KCNQ5: variants seen among roughly 807,000 people sequenced by gnomAD.
KCNQ5 encodes potassium voltage-gated channel subfamily KQT member 5.
A neutral mutation model predicts 98.2 loss-of-function variants in KCNQ5; 30 were observed. The ratio of observed to expected loss-of-function variants is 0.31; its 90% CI spans 0.23 to 0.41. The LOEUF (loss-of-function observed/expected upper bound fraction) is 0.41. KCNQ5 is among the 10% of genes least tolerant of loss of function. The pLI is 1.00. For synonymous variants in KCNQ5, 458 were observed against 449.4 expected (o/e 1.02, Z -0.24); for missense variants, 835 against 1,182.5 (o/e 0.71, Z 4.31).
chr6:72,764,971 A>G (rs1772488827), intron 1 of KCNQ5, among the ~76,000 whole-genome samples: 1 of 152,038 alleles, frequency 6.6e-6, no homozygotes, highest in Non-Finnish European at 1.5e-5. Flanking sequence ...TTTATGGCTG[A>G]ATAATACTGT....
At chr6:72,658,769 G>A (rs1003947944) in intron 1 of KCNQ5, among the ~76,000 whole-genome samples, 16 of 151,122 alleles carry the variant, frequency 1.1e-4, no homozygotes, top group African/African-American at 3.9e-4. Context: ...TCGTAGAGAC[G>A]GGGTTTCACC....
chr6:72,638,932 A>C (rs182563958), intron 1 of KCNQ5, among the ~76,000 whole-genome samples: 1 of 152,288 alleles, frequency 6.6e-6, no homozygotes, highest in East Asian at 1.9e-4. Context: ...TTAGCTCTCC[A>C]TTGGCTTCTG....
chr6:72,744,748 T>C (rs1582209426), intron 1 of KCNQ5, among the ~76,000 whole-genome samples: 1 of 151,570 alleles, frequency 6.6e-6, no homozygotes, highest in South Asian at 2.1e-4. Context: ...GAGGCAGAGG[T>C]TGCAGTGAGC....
Position 72,908,749 on chromosome 6 carries a change from G to A in KCNQ5, c.399-95159G>A, listed in dbSNP as rs146659047. ...TCAAAGAAATGGAGGAAGTAATTTC[G>A]TGCTGTAGAAGCAAAGTTCTGTAAA... is the stretch of plus-strand genomic sequence containing the variant. On this transcript the variant is annotated intron_variant, in intron 1 of 13. Transcript: ENST00000370398. 5.2e-3 allele frequency among the ~76,000 whole-genome samples: 789 copies of A among 152,218 alleles called. 9 individuals carry two copies. The highest frequency in any genetic ancestry group is 0.016 in the African/African-American group (677 of 41,572).
At chr6:73,015,033 G>T (rs1407093965) in intron 2 of KCNQ5, among the ~76,000 whole-genome samples, 1 of 152,020 alleles carries the variant, frequency 6.6e-6, no homozygotes, top group African/African-American at 2.4e-5. Flanking sequence ...AAAACTTCTG[G>T]TATTAAATAT....
chr6:72,893,682 A>G (rs912449234), intron 1 of KCNQ5, among the ~76,000 whole-genome samples: 5 of 152,162 alleles, frequency 3.3e-5, no homozygotes, highest in African/African-American at 1.2e-4. Flanking sequence ...TTTCCACACC[A>G]TTTTTGCTGC....
intron 1 of KCNQ5, among the ~76,000 whole-genome samples, chr6:72,766,709 G>C (rs1207533602): frequency 6.6e-6 from 1 of 151,916 alleles, no homozygotes; most frequent in African/African-American, 2.4e-5. Context: ...AGCAAATGGT[G>C]GCACCATTTG....
chr6:72,827,970 A>G (rs886831014), intron 1 of KCNQ5, among the ~76,000 whole-genome samples: 3 of 152,138 alleles, frequency 2.0e-5, no homozygotes, highest in African/African-American at 7.2e-5. Flanking sequence ...TCCCAGCAGC[A>G]TTTATTGACA....
intron 9 of KCNQ5, among the ~76,000 whole-genome samples, chr6:73,130,014 C>A (rs1331302729): frequency 1.3e-5 from 2 of 152,196 alleles, no homozygotes; most frequent in Non-Finnish European, 2.9e-5. Flanking sequence ...TCCTTGTTGC[C>A]TGTTGCCTGC....
intron 1 of KCNQ5, among the ~76,000 whole-genome samples, chr6:72,957,179 T>TC (rs1767121627): frequency 6.6e-6 from 1 of 150,820 alleles, no homozygotes; most frequent in Non-Finnish European, 1.5e-5. Flanking sequence ...GCTTTTTTTT[T>TC]TTTTTTTTTG....
At chr6:72,793,125 G>T (rs1774146581) in intron 1 of KCNQ5, among the ~76,000 whole-genome samples, 1 of 152,130 alleles carries the variant, frequency 6.6e-6, no homozygotes, top group African/African-American at 2.4e-5. Context: ...GTATCCTGCT[G>T]GACAGTTATG....
At chr6:72,635,905 G>A (rs2098923846) in intron 1 of KCNQ5, among the ~76,000 whole-genome samples, 2 of 151,530 alleles carry the variant, frequency 1.3e-5, no homozygotes, top group Non-Finnish European at 2.9e-5. Context: ...TAGAAAATGT[G>A]GATTTTAGAA....
At chr6:73,093,537 C>T (rs1395138456) in intron 5 of KCNQ5, among the ~76,000 whole-genome samples, 2 of 152,098 alleles carry the variant, frequency 1.3e-5, no homozygotes, top group Non-Finnish European at 2.9e-5. Context: ...TTGATGTAGG[C>T]ATTTATGGCT....
intron 1 of KCNQ5, among the ~76,000 whole-genome samples, chr6:72,958,988 T>A (rs1226868984): frequency 1.3e-5 from 2 of 152,252 alleles, no homozygotes; most frequent in Non-Finnish European, 2.9e-5. Flanking sequence ...GGTGTTTATC[T>A]TTCTCTTTTC....
intron 10 of KCNQ5, among the ~76,000 whole-genome samples, chr6:73,165,776 C>T (rs917457298): frequency 3.3e-5 from 5 of 151,948 alleles, no homozygotes; most frequent in African/African-American, 1.2e-4. Context: ...GAAACCCCGT[C>T]TCTACTAAAT....
chr6:72,655,050 T>C (rs1364483636), intron 1 of KCNQ5, among the ~76,000 whole-genome samples: 1 of 148,578 alleles, frequency 6.7e-6, no homozygotes, highest in African/African-American at 2.5e-5. Context: ...CTTTCTTTCT[T>C]TCTTTCTTTC....
intron 1 of KCNQ5, among the ~76,000 whole-genome samples, chr6:72,819,091 T>C (rs922665621): frequency 2.0e-5 from 3 of 151,968 alleles, no homozygotes; most frequent in African/African-American, 7.2e-5. Flanking sequence ...AGGGAATTAA[T>C]GTTTGTTTTT....
chr6:73,185,817 C>G (rs570303964), intron 11 of KCNQ5, among the ~76,000 whole-genome samples: 1 of 152,296 alleles, frequency 6.6e-6, no homozygotes, highest in African/African-American at 2.4e-5. Flanking sequence ...AAGCCTATAG[C>G]AGTGGAGATG....
chr6:72,807,930 C>A (rs1775033430), intron 1 of KCNQ5, among the ~76,000 whole-genome samples: 1 of 152,160 alleles, frequency 6.6e-6, no homozygotes, highest in African/African-American at 2.4e-5. Context: ...TTTGGGGTAA[C>A]TGGAAGTCCA....
Sources: gnomAD v4.1 joint callset for allele counts (sites outside exome capture counted in the v4.1 genomes callset) on GRCh38, gnomAD v4.1.1 for gene constraint, MANE v1.5 for transcripts, NCBI Gene and HGNC (gene_info 2026-07-23, HGNC 2026-07-21) for gene names.